The following GIT1 variants were observed in gnomAD, a reference collection of about 807,000 sequenced individuals.
The protein encoded by GIT1 is ARF GTPase-activating protein GIT1.
In GIT1, 14 loss-of-function variants were observed where a neutral mutation model predicts 91.7. That is an observed-to-expected ratio of 0.15 (90% confidence interval 0.10 to 0.24). The LOEUF is 0.24. GIT1 is among the 10% of genes least tolerant of loss of function. The probability of loss-of-function intolerance (pLI) is 1.00; values close to 1 mark genes in which losing one functional copy is unlikely to be tolerated. For missense variants in GIT1, 717 were observed against 1,024.9 expected (o/e 0.70, Z 4.10); for synonymous variants, 414 against 418.2 (o/e 0.99, Z 0.12).
Position 29,581,715 on chromosome 17 carries a change from GCC to G in GIT1, c.718+25_718+26del. The stretch of plus-strand genomic sequence containing the variant: ...CCCAGCCCCAGCCAGGCCTGTCACA[GCC>G]AGGCGCCCCCCAAGCTCTGCTCACC... On this transcript the variant is annotated intron_variant, in intron 6 of 19. Transcript: ENST00000225394. The surrounding 1 kb of genome is among the most constrained non-coding windows in gnomAD (Gnocchi z 4.8). 1 of 1,583,184 alleles carries G rather than the reference GCC, an allele frequency of 6.3e-7. No individual in the cohort carries two copies. Among genetic ancestry groups the G allele is most frequent in the Non-Finnish European group, 8.6e-7 (1 of 1,159,602 alleles).
At position 29,575,549 on chromosome 17, in the gene GIT1, G is replaced by A. The variant is rs2033162338; in HGVS notation, c.1827-79C>T. On this transcript the variant is annotated intron_variant, in intron 17 of 19. Coordinates refer to ENST00000225394, the MANE Select transcript of GIT1 (RefSeq NM_014030.4). This position sits in a 1 kb window ranked among gnomAD's most constrained non-coding sequence, Gnocchi z 5.5. ...TTCCAGCCTCGGAGCCGCCCGCCTT[G>A]GTCCTCACACACTGGGGGCCCTCTC... 6.4e-7 allele frequency: 1 copy of A among 1,560,388 alleles called. No homozygotes were observed. Among genetic ancestry groups the A allele is most frequent in the South Asian group, 1.1e-5 (1 of 88,526 alleles).
Position 29,574,290 on chromosome 17 carries a change from G to A in GIT1, c.*412C>T, listed in dbSNP as rs2033101408. 1 of 230,616 alleles carries A rather than the reference G, an allele frequency of 4.3e-6. No individual in the cohort carries two copies. Among genetic ancestry groups the A allele is most frequent in the East Asian group, 1.2e-4 (1 of 8,280 alleles). The allele number at this position is 230,616 out of a possible 1,614,324, so 14.3% of individuals were successfully genotyped here. ...CATGGAGACTATGTACAAAGGAGGG[G>A]ATGCCCCCGCTCAGCCCCCAGTAGG... On this transcript the variant is annotated 3_prime_UTR_variant, in exon 20 of 20. Coordinates refer to ENST00000225394, the MANE Select transcript of GIT1 (RefSeq NM_014030.4).
At position 29,575,138 on chromosome 17, in the gene GIT1, C is replaced by G; in HGVS notation, c.2014G>C (p.Val672Leu). Residue 672 changes from valine to leucine, a missense_variant, in exon 19 of 20, where the codon GTG (valine) becomes CTG (leucine). Physicochemically the swap from Val to Leu is conservative, Grantham distance 32. Transcript: ENST00000225394. This position sits in a 1 kb window ranked among gnomAD's most constrained non-coding sequence, Gnocchi z 5.5. ...AAATGGATCTTCTCTGAGCAGGGCA[C>G]GAAGCTGCGGGGAGAAGGGAGGCTA... Reference protein sequence around the residue: ...AAQEFKHDSFVPCSEKIHLAV... With the variant: ...AAQEFKHDSFLPCSEKIHLAV... 6.3e-7 allele frequency: 1 copy of G among 1,597,672 alleles called. No homozygotes were observed. The highest frequency in any genetic ancestry group is 2.2e-5 in the East Asian group (1 of 44,496).
intron 1 of GIT1, among the ~76,000 whole-genome samples, chr17:29,584,274 G>C (rs2033507328): frequency 6.6e-6 from 1 of 152,258 alleles, no homozygotes; most frequent in Non-Finnish European, 1.5e-5. Flanking sequence ...CTGTGATGAA[G>C]AAACAGTGGC....
rs2033260429 is a variant in GIT1, at chr17:29,577,641, T to TC, written c.981+3dup. 6.3e-7 allele frequency: 1 copy of TC among 1,586,282 alleles called. No homozygotes were observed. ...ACCCCAGGCCCCCAATCCAGCCCCC[T>TC]CACCTGATTCCGCGTGGCTGAGTAT... On this transcript the variant is annotated splice_donor_region_variant and intron_variant, in intron 10 of 19. Transcript: ENST00000225394.
chr17:29,574,141 C>CA lies in GIT1; in HGVS notation c.*560dup, dbSNP rs930591376. The CA allele has an allele frequency of 1.3e-5, 2 of 151,196 alleles. No homozygotes were observed. Among genetic ancestry groups the CA allele is most frequent in the African/African-American group, 4.9e-5 (2 of 41,116 alleles). 9.4% of individuals were successfully genotyped at this position (151,196 alleles called of 1,614,324 possible). On this transcript the variant is annotated 3_prime_UTR_variant, in exon 20 of 20. Transcript: ENST00000225394. ...GGGAAGAAGAAAGAAAAAAAAAAAA[C>CA]AGACTTTCCAGTGTTTGCTGCTGGG... is the stretch of plus-strand genomic sequence containing the variant.
At position 29,574,183 on chromosome 17, in the gene GIT1, T is replaced by C. The variant is rs191283001; in HGVS notation, c.*519A>G. 508 of 150,800 alleles carry C rather than the reference T, an allele frequency of 3.4e-3. 1 individual carries two copies. Among genetic ancestry groups the C allele is most frequent in the Non-Finnish European group, 5.5e-3 (379 of 68,476 alleles). The allele number at this position is 150,800 out of a possible 1,614,324, so 9.3% of individuals were successfully genotyped here. A position where few individuals can be genotyped will look rare whatever the true frequency, so the allele number is the denominator to read the frequency against. On this transcript the variant is annotated 3_prime_UTR_variant, in exon 20 of 20. Transcript: ENST00000225394. ...GCTGCTGGGGACCCCAGCACACAGG[T>C]TGGGGCCTGTGCCCTAGGCAGGGGC...
intron 1 of GIT1, among the ~76,000 whole-genome samples, chr17:29,584,637 C>G (rs1474259975): frequency 6.6e-6 from 1 of 152,238 alleles, no homozygotes; most frequent in East Asian, 1.9e-4. Context: ...ACACTTTGCT[C>G]TGCCCAGCGG....
chr17:29,585,825 TC>T (rs2033575428), intron 1 of GIT1, among the ~76,000 whole-genome samples: 1 of 152,146 alleles, frequency 6.6e-6, no homozygotes, highest in Admixed American at 6.5e-5. Context: ...GTAAGGGAAC[TC>T]GTCAGCCCTC....
intron 3 of GIT1, 33 bp from the exon 4 acceptor site, chr17:29,582,836 T>C (rs377327597): frequency 1.3e-6 from 2 of 1,586,690 alleles, no homozygotes; most frequent in Non-Finnish European, 8.7e-7. Flanking sequence ...ATGGGGAGCA[T>C]GGTGGGAGAG....
In GIT1 at chr17:29,576,591, C is replaced by T; in HGVS notation, c.1311G>A (p.Glu437=). Residue 437 remains glutamate (E), a synonymous_variant, in exon 13 of 20, where the codon GAG becomes GAA. Transcript: ENST00000225394. ...CCTTCATGAGCTGCTGCACCTTTGC[C>T]TCCGATGTAGCCAGGGCCTTCTTCA... ...LELKKALATS[E]AKVQQLMKVN... is the part of the protein sequence containing the mutation. The T allele has an allele frequency of 6.2e-7, 1 of 1,614,112 alleles. No homozygotes were observed. The highest frequency in any genetic ancestry group is 8.5e-7 in the Non-Finnish European group (1 of 1,180,022).
rs770405036 is a variant in GIT1 at position 29,576,855 on chromosome 17, A to T, written c.1227+8T>A. 2 of 1,576,066 alleles carry T rather than the reference A, an allele frequency of 1.3e-6. No homozygotes were observed. Among genetic ancestry groups the T allele is most frequent in the Non-Finnish European group, 1.7e-6 (2 of 1,162,676 alleles). ...ACAGGGGAGTGGGAAGGAGGGTGGGACTCAGACCCGGGCCCGGTTGCTCCG... is the reference window on the plus strand; with the variant it reads ...ACAGGGGAGTGGGAAGGAGGGTGGGTCTCAGACCCGGGCCCGGTTGCTCCG... On this transcript the variant is annotated splice_region_variant and intron_variant, in intron 12 of 19. Transcript: ENST00000225394.
At position 29,581,810 on chromosome 17, in the gene GIT1, T is replaced by C; in HGVS notation, c.650A>G (p.Glu217Gly). ...CTCATATTGGCACTCAACCAGCCTT[T>C]CCGCCAGCTCATGGTGCCCCGCCTG... is the stretch of plus-strand genomic sequence containing the variant. ...ARQAGHHELA[E>G]RLVECQYELT... The change falls in exon 6 of 20, where the codon GAA (glutamate) becomes GGA (glycine). Residue 217 changes from glutamate to glycine, a missense_variant. Physicochemically the swap from Glu to Gly is moderately conservative, Grantham distance 98. Coordinates refer to ENST00000225394, the MANE Select transcript of GIT1 (RefSeq NM_014030.4). This position sits in a 1 kb window ranked among gnomAD's most constrained non-coding sequence, Gnocchi z 4.8. 1 of 1,612,708 alleles carries C rather than the reference T, an allele frequency of 6.2e-7. No homozygotes were observed. The highest frequency in any genetic ancestry group is 8.5e-7 in the Non-Finnish European group (1 of 1,179,968).
Position 29,578,784 on chromosome 17 carries a change from GGGCAGAGGGAGAT to G in GIT1, c.762-18_762-6del. On this transcript the variant is annotated splice_polypyrimidine_tract_variant and splice_region_variant and intron_variant, in intron 7 of 19. Transcript: ENST00000225394. ...GCCAATTCGGATAAGTCAAGGCTGA[GGGCAGAGGGAGAT>G]GGGAATTGGGAGGAGAGGAGAGACC... The G allele has an allele frequency of 6.2e-7, 1 of 1,613,910 alleles. No homozygotes were observed. The highest frequency in any genetic ancestry group is 1.7e-5 in the Admixed American group (1 of 60,022).
At chr17:29,578,259 T>C (rs1188891381) in intron 9 of GIT1, 40 bp downstream of exon 9, 2 of 1,538,400 alleles carry the variant, frequency 1.3e-6, no homozygotes, top group Non-Finnish European at 1.8e-6. Flanking sequence ...CCTGGGCCGC[T>C]CGGGTCCTCC....
In GIT1 at chr17:29,575,839, G is replaced by T; in HGVS notation, c.1725C>A (p.Ser575=). ...TGTGGCGGCTTCCCTCCTGGGAGCA[G>T]GACAGCAGCGGGGAGGAGGGAGTGA... ...VPFTPSSPLL[S]CSQEGSRHTS... is the part of the protein sequence containing the mutation. Residue 575 remains serine (S), a synonymous_variant, in exon 16 of 20, where the codon TCC becomes TCA. Transcript: ENST00000225394. This position sits in a 1 kb window ranked among gnomAD's most constrained non-coding sequence, Gnocchi z 5.5. 1 of 1,612,790 alleles carries T rather than the reference G, an allele frequency of 6.2e-7. No individual in the cohort carries two copies. Among genetic ancestry groups the T allele is most frequent in the Non-Finnish European group, 8.5e-7 (1 of 1,179,468 alleles).
intron 9 of GIT1, 77 bp downstream of exon 9, chr17:29,578,222 A>G (rs2033279769): frequency 1.7e-6 from 2 of 1,196,648 alleles, no homozygotes; most frequent in Non-Finnish European, 2.5e-6. Context: ...ACCCCTTCTT[A>G]GCCCAGTAAA....
rs1031260995 is a variant in GIT1 at position 29,574,349 on chromosome 17, C to T, written c.*353G>A. On this transcript the variant is annotated 3_prime_UTR_variant, in exon 20 of 20. Transcript: ENST00000225394. Reference sequence around the variant, plus strand: ...GGCTCATGGGGGTGGGGCGCATGTACGGAGAGCTGCCCCACTTGGAGTGTC... The same window carrying T: ...GGCTCATGGGGGTGGGGCGCATGTATGGAGAGCTGCCCCACTTGGAGTGTC... 3.2e-5 allele frequency: 10 copies of T among 311,044 alleles called. No individual in the cohort carries two copies. Among genetic ancestry groups the T allele is most frequent in the East Asian group, 8.1e-5 (1 of 12,420 alleles). 19.3% of individuals were successfully genotyped at this position (311,044 alleles called of 1,614,324 possible).
At chr17:29,583,732 C>A in intron 1 of GIT1, 116 bp from the exon 2 acceptor site, 1 of 1,183,274 alleles carries the variant, frequency 8.5e-7, no homozygotes, top group Non-Finnish European at 1.2e-6. Context: ...ACTCAGTCTC[C>A]AACAGCCTAG....
Sources: gnomAD v4.1 joint callset for allele counts (sites outside exome capture counted in the v4.1 genomes callset) on GRCh38, gnomAD v4.1.1 for gene constraint, Gnocchi (gnomAD v3.1) non-coding constraint, MANE v1.5 for transcripts, NCBI Gene and HGNC (gene_info 2026-07-23, HGNC 2026-07-21) for gene names.